Variants in PRPF18 observed in about 807,000 individuals in gnomAD.
The protein encoded by PRPF18 is pre-mRNA processing factor 18, also known as pre-mRNA-splicing factor 18.
A neutral mutation model predicts 46.5 loss-of-function variants in PRPF18; 38 were observed. That is an observed-to-expected ratio of 0.82 (90% confidence interval 0.63 to 1.07). PRPF18 has a LOEUF of 1.07. Among genes scored for constraint, PRPF18 ranks in the 50% least tolerant of loss-of-function variants. PRPF18 has a pLI of 0.00. For synonymous variants in PRPF18, 152 were observed against 146.7 expected, an observed-to-expected ratio of 1.04 and a Z score of -0.26; for missense variants, 263 against 410.0, an observed-to-expected ratio of 0.64 and a Z score of 3.10.
Position 13,605,763 on chromosome 10 carries a change from G to T in PRPF18, c.363+19G>T. The T allele has an allele frequency of 6.2e-7, 1 of 1,600,272 alleles. No homozygotes were observed. The highest frequency in any genetic ancestry group is 8.5e-7 in the Non-Finnish European group (1 of 1,175,476). ...TAACAAGGTAAGAGGACAGAACAAA[G>T]CTAGAAAAATACCACTGTACTGCAT... On this transcript the variant is annotated intron_variant, in intron 4 of 9. Transcript: ENST00000378572.
At chr10:13,637,711 A>T in the PRPF18 span, 8 of 152,250 alleles carry the variant, frequency 5.3e-5, no homozygotes, top group African/African-American at 1.9e-4. Flanking sequence ...TTTGCCCAAT[A>T]GATTTTATAA....
At chr10:13,627,073 T>G (rs75015160) in intron 9 of PRPF18, among the ~76,000 whole-genome samples, 1 of 152,138 alleles carries the variant, frequency 6.6e-6, no homozygotes, top group Admixed American at 6.6e-5. Context: ...TTCCCCAGAC[T>G]GATCCAGTTC....
Position 13,586,988 on chromosome 10 carries a change from T to G in PRPF18, c.-99T>G, listed in dbSNP as rs2132956619. ...TCAGTTGTTCTCAGGTGTTTGGGCT[T>G]GTTGTTCCGTATACTCAGTGGGTTC... On this transcript the variant is annotated 5_prime_UTR_variant, in exon 1 of 10. Coordinates refer to ENST00000378572, the MANE Select transcript of PRPF18 (RefSeq NM_003675.4). 1.6e-6 allele frequency: 2 copies of G among 1,239,348 alleles called. No homozygotes were observed. The highest frequency in any genetic ancestry group is 4.6e-5 in the East Asian group (2 of 43,042). The allele number at this position is 1,239,348 out of a possible 1,614,324, so 76.8% of individuals were successfully genotyped here.
At chr10:13,610,425 G>A (rs1321314429) in intron 5 of PRPF18, among the ~76,000 whole-genome samples, 1 of 152,138 alleles carries the variant, frequency 6.6e-6, no homozygotes, top group African/African-American at 2.4e-5. Flanking sequence ...TCTGTTTGTT[G>A]GTGCTCTTGT....
intron 7 of PRPF18, 21 bp downstream of exon 7, chr10:13,613,902 C>T: frequency 6.3e-7 from 1 of 1,593,256 alleles, no homozygotes; most frequent in Non-Finnish European, 8.5e-7. Context: ...TTGGAAAATA[C>T]TTTTTTTAAC....
chr10:13,605,798 T>C, intron 4 of PRPF18, 54 bp downstream of exon 4: 1 of 1,524,044 alleles, frequency 6.6e-7, no homozygotes, highest in Non-Finnish European at 8.8e-7. Context: ...TTCACTAGAA[T>C]AGAGTTTGAC....
the PRPF18 span, chr10:13,642,814 T>C: frequency 6.6e-6 from 1 of 152,166 alleles, no homozygotes; most frequent in African/African-American, 2.4e-5. Flanking sequence ...GGGCAGTTTT[T>C]AGGGTGTAGG....
downstream of PRPF18, chr10:13,631,976 C>G (rs1027242856): frequency 4.6e-5 from 7 of 152,432 alleles, no homozygotes; most frequent in Non-Finnish European, 8.8e-5. Context: ...TGGCTGAGGT[C>G]CGCTGTCTGG....
the PRPF18 span, among the ~76,000 whole-genome samples, chr10:13,653,670 C>T: frequency 2.6e-5 from 4 of 152,214 alleles, no homozygotes; most frequent in Non-Finnish European, 4.4e-5. Flanking sequence ...ACTCCTCTAA[C>T]CAACAGATGA....
At chr10:13,636,822 A>G in the PRPF18 span, among the ~76,000 whole-genome samples, 1 of 152,238 alleles carries the variant, frequency 6.6e-6, no homozygotes, top group Admixed American at 6.5e-5. Flanking sequence ...ACATACCATC[A>G]GTTGTACCCA....
intron 1 of PRPF18, 141 bp downstream of exon 1, chr10:13,587,293 C>T (rs951500699): frequency 2.3e-6 from 2 of 869,914 alleles, no homozygotes; most frequent in Non-Finnish European, 1.9e-6. Flanking sequence ...CCCTGGTAGG[C>T]CCCCTTAGAT....
At chr10:13,611,708 A>T (rs2080271380) in intron 6 of PRPF18, 25 bp downstream of exon 6, 20 of 1,598,094 alleles carry the variant, frequency 1.3e-5, no homozygotes, top group Non-Finnish European at 1.6e-5. Context: ...CGAGGGGATG[A>T]GGATGCCTTG....
At chr10:13,612,084 T>C (rs1292144202) in intron 6 of PRPF18, among the ~76,000 whole-genome samples, 1 of 152,130 alleles carries the variant, frequency 6.6e-6, no homozygotes, top group Non-Finnish European at 1.5e-5. Context: ...TTCACCATGT[T>C]GGCCACGCTG....
chr10:13,607,481 T>C (rs80054149), intron 4 of PRPF18, among the ~76,000 whole-genome samples: 2,934 of 152,176 alleles, frequency 0.019, 35 homozygotes, highest in Non-Finnish European at 0.031. Context: ...AGCATGATCA[T>C]GGCTAACTGC....
At position 13,587,165 on chromosome 10, in the gene PRPF18, C is replaced by T. The variant is rs1247190113; in HGVS notation, c.66+13C>T. 4 of 1,609,608 alleles carry T rather than the reference C, an allele frequency of 2.5e-6. No individual in the cohort carries two copies. The South Asian group carries it at 4.4e-5, about 18-fold the overall frequency. ...GAACCTGCTGGTGGTGAGGACCCTG[C>T]GGTCGTGGGGGTCGGGATGTAAGAG... On this transcript the variant is annotated intron_variant, in intron 1 of 9. Transcript: ENST00000378572.
chr10:13,626,615 A>G (rs2080508447), intron 9 of PRPF18, among the ~76,000 whole-genome samples: 7 of 152,126 alleles, frequency 4.6e-5, no homozygotes, highest in Admixed American at 4.6e-4. Flanking sequence ...TCATAGTAGG[A>G]AGTCAGGAGA....
chr10:13,640,898 C>T, the PRPF18 span: 1 of 152,620 alleles, frequency 6.6e-6, no homozygotes, highest in Non-Finnish European at 1.5e-5. Flanking sequence ...CTCCTGATGC[C>T]TCTGCTCTAT....
At chr10:13,592,242 T>C in intron 1 of PRPF18, 1 of 547,316 alleles carries the variant, frequency 1.8e-6, no homozygotes, top group Non-Finnish European at 3.4e-6. Flanking sequence ...TGACCCTTTT[T>C]CACCTTGTCA....
At chr10:13,605,784 T>C (rs1482173134) in intron 4 of PRPF18, 40 bp downstream of exon 4, 6 of 1,566,302 alleles carry the variant, frequency 3.8e-6, no homozygotes, top group Non-Finnish European at 5.2e-6. Flanking sequence ...ACCACTGTAC[T>C]GCATTCACTA....
Sources: gnomAD v4.1 joint callset for allele counts (sites outside exome capture counted in the v4.1 genomes callset) on GRCh38, gnomAD v4.1.1 for gene constraint, MANE v1.5 for transcripts, NCBI Gene and HGNC (gene_info 2026-07-23, HGNC 2026-07-21) for gene names.